MYH9: variants seen among roughly 807,000 people sequenced by gnomAD.
MYH9 encodes the protein myosin-9.
MYH9 carries 29 observed loss-of-function variants against 241.9 expected under a neutral mutation model. That is an observed-to-expected ratio of 0.12 (90% CI 0.09 to 0.16). The LOEUF (loss-of-function observed/expected upper bound fraction) is 0.16, where lower values mean the gene tolerates loss of function less well. Among genes scored for constraint, MYH9 ranks in the 10% least tolerant of loss-of-function variants. MYH9 has a pLI of 1.00. For synonymous variants in MYH9, 1,047 were observed against 1,062.6 expected (o/e 0.99, Z 0.29); for missense variants, 1,803 against 2,595.5 (o/e 0.69, Z 6.63).
intron 2 of MYH9, among the ~76,000 whole-genome samples, chr22:36,341,849 A>G (rs2017596033): frequency 6.6e-6 from 1 of 152,172 alleles, no homozygotes. Context: ...CAGTTACAAA[A>G]CTCAGATCCG....
At chr22:36,292,335 A>G in intron 30 of MYH9, 101 bp from the exon 31 acceptor site, 1 of 1,502,970 alleles carries the variant, frequency 6.7e-7, no homozygotes, top group South Asian at 1.1e-5. Flanking sequence ...ACACCGTGGA[A>G]GGGGCACCAG....
rs750718366 is a variant in MYH9, at chr22:36,301,567, G to C, written c.2598C>G (p.Asn866Lys). Reference protein sequence around the residue: ...KVREKQLAAENRLTEMETLQS... With the variant: ...KVREKQLAAEKRLTEMETLQS... ...GCAGCGTCTCCATCTCCGTGAGCCTGTTCTCCGCAGCCAGCTGCTTCTCTC... is the reference window on the plus strand; with the variant it reads ...GCAGCGTCTCCATCTCCGTGAGCCTCTTCTCCGCAGCCAGCTGCTTCTCTC... Residue 866 changes from asparagine to lysine, a missense_variant, in exon 21 of 41, where the codon AAC becomes AAG. Asn to Lys is a moderately conservative substitution (Grantham distance 94). Around this residue, in one of 11 missense-constraint regions of MYH9, gnomAD observed 290 missense variants for 360.5 expected, o/e 0.80. Transcript: ENST00000216181. 2.0e-5 allele frequency: 33 copies of C among 1,613,722 alleles called. No individual in the cohort carries two copies. The South Asian group carries it at 3.2e-4, about 16-fold the overall frequency.
intron 19 of MYH9, among the ~76,000 whole-genome samples, chr22:36,303,661 G>C (rs2016921205): frequency 6.6e-6 from 1 of 151,726 alleles, no homozygotes; most frequent in Non-Finnish European, 1.5e-5. Context: ...GCGTGCACCT[G>C]TAACCTCAGC....
Position 36,285,506 on chromosome 22 carries a change from G to A in MYH9, c.5274+152C>T, listed in dbSNP as rs1044793072. On this transcript the variant is annotated intron_variant, in intron 37 of 40. Transcript: ENST00000216181. This position sits in a 1 kb window ranked among gnomAD's most constrained non-coding sequence, Gnocchi z 7.0. ...AACACCCAACACAGAAGCCAGAGGG[G>A]GACCTTTCAGGTCCAGGTGCCTGGA... The A allele has an allele frequency of 2.2e-5, 30 of 1,351,888 alleles. 1 individual carries two copies. In the Admixed American group the frequency reaches 4.5e-4, roughly 20 times the overall value. The allele number at this position is 1,351,888 out of a possible 1,614,324, so 83.7% of individuals were successfully genotyped here.
At chr22:36,379,110 AG>A in intron 1 of MYH9, among the ~76,000 whole-genome samples, 1 of 152,240 alleles carries the variant, frequency 6.6e-6, no homozygotes, top group South Asian at 2.1e-4. Context: ...TTCAAATTAG[AG>A]TTAAAATGCA....
At position 36,320,093 on chromosome 22, in the gene MYH9, G is replaced by T; in HGVS notation, c.1012+127C>A. The T allele has an allele frequency of 7.7e-7, 1 of 1,306,102 alleles. No homozygotes were observed. The highest frequency in any genetic ancestry group is 1.1e-6 in the Non-Finnish European group (1 of 917,576). The allele number at this position is 1,306,102 out of a possible 1,614,324, so 80.9% of individuals were successfully genotyped here. A position where few individuals can be genotyped will look rare whatever the true frequency, so the allele number is the denominator to read the frequency against. On this transcript the variant is annotated intron_variant, in intron 9 of 40. Coordinates refer to ENST00000216181, the MANE Select transcript of MYH9 (RefSeq NM_002473.6). This position sits in a 1 kb window ranked among gnomAD's most constrained non-coding sequence, Gnocchi z 4.8. ...CTGAGGAATCATTTTCCCATACACT[G>T]AAGGCCTTCCCCTTCCCCTGGCCTC...
At position 36,330,498 on chromosome 22, in the gene MYH9, A is replaced by G. The variant is rs1040412921; in HGVS notation, c.491-3010T>C. Among the ~76,000 whole-genome samples, 1 of 152,176 alleles carries G rather than the reference A, an allele frequency of 6.6e-6. No individual in the cohort carries two copies. Among genetic ancestry groups the G allele is most frequent in the African/African-American group, 2.4e-5 (1 of 41,454 alleles). ...CAGGTATTATCATCATTGTTTTGCC[A>G]TCTTTCCACACAGCGGTTCTTCTGG... On this transcript the variant is annotated intron_variant, in intron 3 of 40. Coordinates refer to ENST00000216181, the MANE Select transcript of MYH9 (RefSeq NM_002473.6). This position sits in a 1 kb window ranked among gnomAD's most constrained non-coding sequence, Gnocchi z 4.5.
At chr22:36,347,112 T>C (rs1045938464) in intron 2 of MYH9, among the ~76,000 whole-genome samples, 7 of 152,192 alleles carry the variant, frequency 4.6e-5, no homozygotes, top group Admixed American at 1.3e-4. Context: ...GGGGTTGATA[T>C]TGGACAGGAC....
At chr22:36,287,829 A>T (rs2016613878) in intron 34 of MYH9, among the ~76,000 whole-genome samples, 1 of 152,196 alleles carries the variant, frequency 6.6e-6, no homozygotes, top group African/African-American at 2.4e-5. Context: ...CGTGTTAATT[A>T]TTCTTTAATT....
Position 36,363,727 on chromosome 22 carries a change from G to A in MYH9, c.-19-14472C>T, listed in dbSNP as rs116702383. ...AAATTGTTTCAGGTATGGTGGGGACGTCCCCTCCTAAATAGTGAGGGGCAG... is the reference window on the plus strand; with the variant it reads ...AAATTGTTTCAGGTATGGTGGGGACATCCCCTCCTAAATAGTGAGGGGCAG... On this transcript the variant is annotated intron_variant, in intron 1 of 40. Coordinates refer to ENST00000216181, the MANE Select transcript of MYH9 (RefSeq NM_002473.6). Among the ~76,000 whole-genome samples the A allele has an allele frequency of 3.5e-3, 533 of 152,280 alleles. 7 individuals are homozygous for A. Among genetic ancestry groups the A allele is most frequent in the African/African-American group, 0.012 (507 of 41,536 alleles).
At chr22:36,318,467 T>G in intron 10 of MYH9, 142 bp from the exon 11 acceptor site, 1 of 769,160 alleles carries the variant, frequency 1.3e-6, no homozygotes, top group Non-Finnish European at 2.3e-6. Context: ...GAATGAGCAA[T>G]CATTACCAGG....
At chr22:36,369,831 T>G (rs1471817706) in intron 1 of MYH9, among the ~76,000 whole-genome samples, 2 of 152,318 alleles carry the variant, frequency 1.3e-5, no homozygotes, top group South Asian at 2.1e-4. Context: ...GAGAGGATTT[T>G]AGATCATTCA....
intron 14 of MYH9, among the ~76,000 whole-genome samples, chr22:36,311,400 G>A (rs2017061722): frequency 6.6e-6 from 1 of 152,074 alleles, no homozygotes; most frequent in African/African-American, 2.4e-5. Flanking sequence ...GTTTGGCGAT[G>A]TCTGGAGACA....
chr22:36,346,677 A>C (rs1243532927), intron 2 of MYH9, among the ~76,000 whole-genome samples: 2 of 152,122 alleles, frequency 1.3e-5, no homozygotes, highest in African/African-American at 4.8e-5. Context: ...ATCTCGGCTG[A>C]CTGCACCCTT....
chr22:36,313,593 T>C (rs1357259023), intron 13 of MYH9, among the ~76,000 whole-genome samples: 1 of 152,092 alleles, frequency 6.6e-6, no homozygotes, highest in Non-Finnish European at 1.5e-5. Flanking sequence ...TATGAACTCA[T>C]TGGAAAGGGT....
In MYH9 at chr22:36,316,528, C is replaced by T; in HGVS notation, c.1369G>A (p.Glu457Lys). 1 of 1,614,054 alleles carries T rather than the reference C, an allele frequency of 6.2e-7. No homozygotes were observed. Among genetic ancestry groups the T allele is most frequent in the Non-Finnish European group, 8.5e-7 (1 of 1,180,010 alleles). The change falls in exon 12 of 41, where the codon GAG (glutamate) becomes AAG (lysine). Residue 457 changes from glutamate to lysine, a missense_variant. Transcript: ENST00000216181. ...AGGGCAAGGCTCACATCAAAGATCT[C>T]GAAGCCGGCAATGTCCAGGATCCCG... ...FIGILDIAGF[E>K]IFDLNSFEQL...
chr22:36,326,034 C>A (rs988060530), intron 5 of MYH9, among the ~76,000 whole-genome samples: 11 of 152,140 alleles, frequency 7.2e-5, no homozygotes, highest in Non-Finnish European at 1.3e-4. Flanking sequence ...CTAGCGAGGA[C>A]ACTGCTGGGT....
intron 7 of MYH9, 139 bp downstream of exon 7, chr22:36,321,619 T>TCCCCTAGCTCCACAGA: frequency 2.4e-6 from 2 of 836,296 alleles, no homozygotes. Flanking sequence ...ATCCTGACAG[T>TCCCCTAGCTCCACAGA]CCCCTAGCTC....
chr22:36,287,045 A>G (rs886934423), intron 34 of MYH9, 199 bp from the exon 35 acceptor site: 10 of 700,438 alleles, frequency 1.4e-5, no homozygotes, highest in African/African-American at 3.5e-5. Context: ...ACACTTTGAC[A>G]GTGTTCGTCA....
Sources: gnomAD v4.1 joint callset for allele counts (sites outside exome capture counted in the v4.1 genomes callset) on GRCh38, gnomAD v4.1.1 for gene constraint, gnomAD v4.1.1 regional missense constraint, Gnocchi (gnomAD v3.1) non-coding constraint, MANE v1.5 for transcripts, NCBI Gene and HGNC (gene_info 2026-07-23, HGNC 2026-07-21) for gene names.